THSD7A: variants seen among roughly 807,000 people sequenced by gnomAD.
The protein encoded by THSD7A is thrombospondin type 1 domain containing 7A, also known as thrombospondin type-1 domain-containing protein 7A.
Under a neutral mutation model 231.3 loss-of-function variants are expected in THSD7A, and 96 were observed. The ratio of observed to expected loss-of-function variants is 0.41; its 90% CI spans 0.35 to 0.49. THSD7A has a LOEUF of 0.49. Among genes scored for constraint, THSD7A ranks in the 20% least tolerant of loss-of-function variants. THSD7A has a pLI of 0.05. For missense variants in THSD7A, 2,290 were observed against 2,070.2 expected (o/e 1.11, Z -2.06); for synonymous variants, 940 against 743.3 (o/e 1.26, Z -4.30).
intron 2 of THSD7A, among the ~76,000 whole-genome samples, chr7:11,597,149 G>T (rs1780392414): frequency 6.6e-6 from 1 of 152,176 alleles, no homozygotes; most frequent in African/African-American, 2.4e-5. Context: ...GCATGCTAGA[G>T]GATGGGAAAT....
chr7:11,765,622 T>C (rs1489192193), intron 1 of THSD7A, among the ~76,000 whole-genome samples: 2 of 152,170 alleles, frequency 1.3e-5, no homozygotes, highest in Non-Finnish European at 2.9e-5. Context: ...ATTTTCTTCA[T>C]TCATTTTAGT....
intron 1 of THSD7A, among the ~76,000 whole-genome samples, chr7:11,752,571 T>A (rs529874435): frequency 6.6e-6 from 1 of 152,164 alleles, no homozygotes; most frequent in Non-Finnish European, 1.5e-5. Context: ...CAATTTTGAT[T>A]ATTTTATAAC....
chr7:11,460,766 C>A lies in THSD7A; in HGVS notation c.2502-1G>T. On this transcript the variant is annotated splice_acceptor_variant, in intron 10 of 27. Coordinates refer to ENST00000423059, the MANE Select transcript of THSD7A (RefSeq NM_015204.3). LOFTEE classifies it high-confidence loss of function. ...TCTGCGCCATTTGTGAGTCTTCCAC[C>A]TACAAGACAGGAACAGAAGCCCAGT... The A allele has an allele frequency of 6.2e-7, 1 of 1,610,510 alleles. No individual in the cohort carries two copies. The highest frequency in any genetic ancestry group is 8.5e-7 in the Non-Finnish European group (1 of 1,178,384).
At position 11,653,383 on chromosome 7, in the gene THSD7A, C is replaced by T. The variant is rs150804644; in HGVS notation, c.191-16422G>A. On this transcript the variant is annotated intron_variant, in intron 1 of 27. Coordinates refer to ENST00000423059, the MANE Select transcript of THSD7A (RefSeq NM_015204.3). ...CAAGCCAATTTGCTCATAACCATTT[C>T]CTCTAAGAAACACTCTTCTAAAGCT... Among the ~76,000 whole-genome samples, 620 of 150,524 alleles carry T rather than the reference C, an allele frequency of 4.1e-3. 3 individuals carry two copies. The highest frequency in any genetic ancestry group is 0.014 in the African/African-American group (589 of 40,990).
In THSD7A at chr7:11,574,857, C is replaced by G. The variant is rs528587716; in HGVS notation, c.1453+15603G>C. Among the ~76,000 whole-genome samples the G allele has an allele frequency of 4.6e-5, 7 of 152,156 alleles. No homozygotes were observed. In the East Asian group the frequency reaches 1.4e-3, roughly 29 times the overall value. On this transcript the variant is annotated intron_variant, in intron 4 of 27. Coordinates refer to ENST00000423059, the MANE Select transcript of THSD7A (RefSeq NM_015204.3). ...AAAAGAGAGGCACATTTTCTAAAAC[C>G]AATAATCGTTTAGAGGTGAGATAGC... is the stretch of plus-strand genomic sequence containing the variant.
At chr7:11,745,530 C>A (rs960170717) in intron 1 of THSD7A, among the ~76,000 whole-genome samples, 1 of 152,000 alleles carries the variant, frequency 6.6e-6, no homozygotes, top group Non-Finnish European at 1.5e-5. Flanking sequence ...ATGCCTATTT[C>A]CTGAATGGTA....
chr7:11,382,771 T>G (rs1346305550), intron 23 of THSD7A, among the ~76,000 whole-genome samples, 155 bp from the exon 24 acceptor site: 1 of 152,084 alleles, frequency 6.6e-6, no homozygotes, highest in Non-Finnish European at 1.5e-5. Context: ...ATGCATATGT[T>G]TAAAATTGCA....
In THSD7A at chr7:11,768,764, A is replaced by C. The variant is rs567088404; in HGVS notation, c.190+62993T>G. 2.8e-4 allele frequency among the ~76,000 whole-genome samples: 43 copies of C among 152,236 alleles called. 1 individual carries two copies. The South Asian group carries it at 8.7e-3, about 31-fold the overall frequency. On this transcript the variant is annotated intron_variant, in intron 1 of 27. Transcript: ENST00000423059. ...CTACGTTGTTAATTTGTTATATAAA[A>C]TGCATTGTTTTTGAAGCCTTATCTA... is the stretch of plus-strand genomic sequence containing the variant.
Position 11,636,386 on chromosome 7 carries a change from G to A in THSD7A, c.766C>T (p.His256Tyr), listed in dbSNP as rs1197753844. 6.2e-7 allele frequency: 1 copy of A among 1,613,800 alleles called. No homozygotes were observed. Among genetic ancestry groups the A allele is most frequent in the Admixed American group, 1.7e-5 (1 of 60,028 alleles). The change falls in exon 2 of 28, where the codon CAT becomes TAT. Residue 256 changes from histidine to tyrosine, a missense_variant. Transcript: ENST00000423059. This position sits in a 1 kb window ranked among gnomAD's most constrained non-coding sequence, Gnocchi z 10.0. ...CEAEELRYSLHVGPWSTCSMP... is the reference protein window; with the variant it reads ...CEAEELRYSLYVGPWSTCSMP... ...GAGCAGGTGCTCCAGGGCCCCACAT[G>A]CAGGCTGTACCTGAGCTCCTCGGCC...
chr7:11,694,426 C>T (rs1042741073), intron 1 of THSD7A, among the ~76,000 whole-genome samples: 1 of 151,474 alleles, frequency 6.6e-6, no homozygotes, highest in Admixed American at 6.6e-5. Flanking sequence ...CCACTAAAAT[C>T]CAAGTGCTAT....
intron 14 of THSD7A, among the ~76,000 whole-genome samples, 160 bp from the exon 15 acceptor site, chr7:11,426,831 T>C (rs1449274071): frequency 6.6e-6 from 1 of 152,166 alleles, no homozygotes; most frequent in African/African-American, 2.4e-5. Flanking sequence ...TTCTTAGGTC[T>C]CAGGAGATAA....
At chr7:11,626,789 A>G (rs1395970466) in intron 2 of THSD7A, among the ~76,000 whole-genome samples, 3 of 152,174 alleles carry the variant, frequency 2.0e-5, no homozygotes, top group Non-Finnish European at 2.9e-5. Flanking sequence ...TCTCATTTAT[A>G]AAGAAAATAT....
intron 16 of THSD7A, among the ~76,000 whole-genome samples, chr7:11,418,453 A>AAGGTTTCCATTAAGTTGGCTG (rs1784033852): frequency 2.6e-5 from 4 of 152,200 alleles, no homozygotes; most frequent in Non-Finnish European, 4.4e-5. Context: ...CAGGAGAGAA[A>AAGGTTTCCATTAAGTTGGCTG]ACCTTTATCT....
chr7:11,742,036 G>A (rs1262224060), intron 1 of THSD7A, among the ~76,000 whole-genome samples: 6 of 151,824 alleles, frequency 4.0e-5, no homozygotes, highest in Admixed American at 4.0e-4. Flanking sequence ...CTGAAACAAA[G>A]GCTTCCTAAA....
intron 4 of THSD7A, among the ~76,000 whole-genome samples, chr7:11,543,518 A>G (rs771269068): frequency 1.3e-5 from 2 of 152,182 alleles, no homozygotes; most frequent in Non-Finnish European, 1.5e-5. Flanking sequence ...TAGCTTCAAC[A>G]TATATGAAAA....
chr7:11,387,366 T>C (rs1782790834), intron 23 of THSD7A, among the ~76,000 whole-genome samples: 2 of 152,230 alleles, frequency 1.3e-5, no homozygotes, highest in African/African-American at 4.8e-5. Flanking sequence ...TTTCCATTTA[T>C]TTGTGTCCTC....
At chr7:11,647,715 T>C (rs1004903425) in intron 1 of THSD7A, among the ~76,000 whole-genome samples, 1 of 152,142 alleles carries the variant, frequency 6.6e-6, no homozygotes, top group African/African-American at 2.4e-5. Flanking sequence ...CAAATGCATA[T>C]GCAGGTAAGT....
chr7:11,662,768 G>C (rs1414893312), intron 1 of THSD7A, among the ~76,000 whole-genome samples: 2 of 151,286 alleles, frequency 1.3e-5, no homozygotes, highest in South Asian at 2.1e-4. Flanking sequence ...AAAGAGACAA[G>C]TGGAAATGTT....
At chr7:11,799,113 G>C (rs6952082) in intron 1 of THSD7A, among the ~76,000 whole-genome samples, 1,894 of 152,064 alleles carry the variant, frequency 0.012, 49 homozygotes, top group African/African-American at 0.043. Flanking sequence ...GGTAGAGATG[G>C]GGTTTCACCA....
Sources: allele counts gnomAD v4.1 joint callset (sites outside exome capture counted in the v4.1 genomes callset), GRCh38; gene constraint gnomAD v4.1.1; non-coding constraint Gnocchi (gnomAD v3.1); transcripts MANE v1.5; gene names NCBI Gene and HGNC (gene_info 2026-07-23, HGNC 2026-07-21).